NFX1: variants seen among roughly 807,000 people sequenced by gnomAD.
NFX1 encodes nuclear transcription factor, X-box binding 1.
In NFX1, 69 loss-of-function variants were observed where a neutral mutation model predicts 137.2. The observed-to-expected ratio is 0.50, with a 90% confidence interval of 0.41 to 0.61. NFX1 has a LOEUF of 0.61. Ranked by LOEUF, NFX1 falls within the 20% of genes least tolerant of loss-of-function variation. The pLI is 0.00. For missense variants in NFX1, 1,167 were observed against 1,391.0 expected, an observed-to-expected ratio of 0.84 and a Z score of 2.56; for synonymous variants, 495 against 474.1, an observed-to-expected ratio of 1.04 and a Z score of -0.57.
chr9:33,366,737 A>G lies in NFX1; in HGVS notation c.3148A>G (p.Ser1050Gly). The G allele has an allele frequency of 1.2e-6, 2 of 1,614,196 alleles. No homozygotes were observed. Among genetic ancestry groups the G allele is most frequent in the Non-Finnish European group, 1.7e-6 (2 of 1,180,034 alleles). Residue 1050 changes from serine to glycine, a missense_variant, in exon 22 of 24, where the codon AGT (serine) becomes GGT (glycine). Around this residue, in one of 3 missense-constraint regions of NFX1, gnomAD observed 312 missense variants for 312.8 expected, o/e 1.00. Transcript: ENST00000379540. ...TGGCCTGGAGAGCGTGAGCTATGAC[A>G]GTGAACCGAAGCGCAATGTGGTGGT... ...VYGLESVSYD[S>G]EPKRNVVVTA...
intron 12 of NFX1, among the ~76,000 whole-genome samples, chr9:33,338,891 TC>T (rs879273651): frequency 3.5e-4 from 54 of 152,166 alleles, no homozygotes; most frequent in Non-Finnish European, 5.9e-5. Flanking sequence ...CACACAGTCT[TC>T]GGCAGAAGAT....
At chr9:33,345,674 T>C (rs754688509) in intron 14 of NFX1, among the ~76,000 whole-genome samples, 3 of 152,178 alleles carry the variant, frequency 2.0e-5, no homozygotes, top group Non-Finnish European at 2.9e-5. Flanking sequence ...CCCACTCTTA[T>C]TATTATATTT....
intron 2 of NFX1, among the ~76,000 whole-genome samples, chr9:33,297,793 T>C (rs1821411969): frequency 6.6e-6 from 1 of 152,196 alleles, no homozygotes; most frequent in Non-Finnish European, 1.5e-5. Flanking sequence ...GGAAAGCAGC[T>C]GCTGCCACTT....
At chr9:33,355,708 G>C (rs1823788689) in intron 19 of NFX1, among the ~76,000 whole-genome samples, 1 of 138,532 alleles carries the variant, frequency 7.2e-6, no homozygotes, top group South Asian at 2.3e-4. Flanking sequence ...GCAATGGCAT[G>C]ATCTTGGCTC....
intron 9 of NFX1, among the ~76,000 whole-genome samples, chr9:33,321,021 C>T (rs895909309): frequency 6.6e-6 from 1 of 152,084 alleles, no homozygotes. Context: ...CTCTGCTTGC[C>T]ATGAAAATGT....
At chr9:33,362,695 T>G (rs796273643) in intron 19 of NFX1, among the ~76,000 whole-genome samples, 3 of 117,766 alleles carry the variant, frequency 2.5e-5, no homozygotes, top group South Asian at 2.7e-4. Flanking sequence ...TCCTGTGGTT[T>G]TTTTTTTTTT....
rs567373349 is a variant in NFX1 at position 33,366,861 on chromosome 9, T to C, written c.3185+87T>C. 2.1e-6 allele frequency: 3 copies of C among 1,439,858 alleles called. No homozygotes were observed. In the African/African-American group the frequency reaches 4.2e-5, roughly 20 times the overall value. 89.2% of individuals were successfully genotyped at this position (1,439,858 alleles called of 1,614,324 possible). ...AGGGTCTGTCAATACTTGTCTTTCTTACTACCACTCTCCCTCTTGGAAAAG... is the reference window on the plus strand; with the variant it reads ...AGGGTCTGTCAATACTTGTCTTTCTCACTACCACTCTCCCTCTTGGAAAAG... On this transcript the variant is annotated intron_variant, in intron 22 of 23. Transcript: ENST00000379540.
intron 6 of NFX1, among the ~76,000 whole-genome samples, chr9:33,312,744 G>T (rs1822008171): frequency 6.6e-6 from 1 of 152,190 alleles, no homozygotes; most frequent in Non-Finnish European, 1.5e-5. Context: ...GGTGACACGT[G>T]CCTGTAGCCC....
At chr9:33,336,212 T>G (rs1029131243) in intron 11 of NFX1, among the ~76,000 whole-genome samples, 2 of 152,018 alleles carry the variant, frequency 1.3e-5, no homozygotes, top group African/African-American at 4.8e-5. Context: ...ATTTTCTGGG[T>G]TTTTTTGGTT....
At chr9:33,341,633 T>C (rs944705200) in intron 12 of NFX1, among the ~76,000 whole-genome samples, 3 of 152,164 alleles carry the variant, frequency 2.0e-5, no homozygotes, top group African/African-American at 4.8e-5. Flanking sequence ...CTTCCTCTTA[T>C]TATAAAAAAA....
At chr9:33,328,043 C>T (rs1822661454) in intron 9 of NFX1, among the ~76,000 whole-genome samples, 1 of 152,162 alleles carries the variant, frequency 6.6e-6, no homozygotes, top group Non-Finnish European at 1.5e-5. Context: ...CAGGGTCTTG[C>T]TCTGTCACCT....
At chr9:33,368,880 ACCAGCC>A (rs1824245064) in intron 23 of NFX1, among the ~76,000 whole-genome samples, 1 of 152,012 alleles carries the variant, frequency 6.6e-6, no homozygotes, top group Admixed American at 6.6e-5. Flanking sequence ...GGTCCCCAGG[ACCAGCC>A]CCTCTCCACT....
intron 18 of NFX1, 26 bp from the exon 19 acceptor site, chr9:33,354,825 T>C (rs1823758353): frequency 3.1e-6 from 5 of 1,609,144 alleles, no homozygotes; most frequent in Non-Finnish European, 4.2e-6. Context: ...ATTCTGACTT[T>C]AATTTTTTTT....
intron 10 of NFX1, among the ~76,000 whole-genome samples, chr9:33,332,203 G>A (rs985670314): frequency 3.9e-5 from 6 of 151,906 alleles, no homozygotes; most frequent in Non-Finnish European, 8.8e-5. Context: ...GTAATTATTA[G>A]TCTACTGTGA....
chr9:33,360,554 A>C (rs1217540411), intron 19 of NFX1, among the ~76,000 whole-genome samples: 1 of 152,238 alleles, frequency 6.6e-6, no homozygotes, highest in Non-Finnish European at 1.5e-5. Flanking sequence ...TCATAAATAC[A>C]CACAAACCTA....
rs775483701 is a variant in NFX1, at chr9:33,318,983, C to T, written c.1762C>T (p.Pro588Ser). 6 of 1,614,242 alleles carry T rather than the reference C, an allele frequency of 3.7e-6. No homozygotes were observed. The highest frequency in any genetic ancestry group is 1.1e-5 in the South Asian group (1 of 91,082). The change falls in exon 9 of 24, where the codon CCC (proline) becomes TCC (serine). Residue 588 changes from proline (P) to serine (S), a missense_variant. Physicochemically the swap from Pro to Ser is moderately conservative, Grantham distance 74. Coordinates refer to ENST00000379540, the MANE Select transcript of NFX1 (RefSeq NM_002504.6). ...PQPCQQCPRLPQLVRCCPCGQ... is the reference protein window; with the variant it reads ...PQPCQQCPRLSQLVRCCPCGQ... ...GCCCTGCCAGCAATGCCCACGGCTC[C>T]CCCAGCTGGTGCGCTGTTGCCCCTG... is the stretch of plus-strand genomic sequence containing the variant.
intron 5 of NFX1, among the ~76,000 whole-genome samples, chr9:33,309,804 A>G (rs1239523432): frequency 2.6e-5 from 4 of 152,090 alleles, no homozygotes. Context: ...GAACATCAAT[A>G]TTTTTAAAAG....
intron 12 of NFX1, among the ~76,000 whole-genome samples, chr9:33,339,412 G>A (rs182562309): frequency 7.4e-4 from 113 of 152,260 alleles, no homozygotes; most frequent in Non-Finnish European, 1.2e-3. Flanking sequence ...TCACTATCAC[G>A]AGAACAGCAC....
intron 14 of NFX1, among the ~76,000 whole-genome samples, chr9:33,344,777 A>T (rs1353468227): frequency 2.0e-5 from 3 of 151,954 alleles, no homozygotes; most frequent in Admixed American, 6.6e-5. Flanking sequence ...GAGGCAGGAG[A>T]ATCACTTGAA....
Sources: allele counts gnomAD v4.1 joint callset (sites outside exome capture counted in the v4.1 genomes callset), GRCh38; gene constraint gnomAD v4.1.1; regional missense constraint gnomAD v4.1.1; transcripts MANE v1.5; gene names NCBI Gene and HGNC (gene_info 2026-07-23, HGNC 2026-07-21).